Variants in SEL1L3 observed in about 807,000 individuals in gnomAD.
SEL1L3 encodes SEL1L family member 3.
SEL1L3 carries 76 observed loss-of-function variants against 142.8 expected under a neutral mutation model. The ratio of observed to expected loss-of-function variants is 0.53; its 90% confidence interval spans 0.44 to 0.64. SEL1L3 has a LOEUF of 0.64. Ranked by LOEUF, SEL1L3 falls within the 30% of genes least tolerant of loss-of-function variation. SEL1L3 has a pLI of 0.00. For missense variants in SEL1L3, 1,262 were observed against 1,381.7 expected, an observed-to-expected ratio of 0.91 and a Z score of 1.37; for synonymous variants, 504 against 519.6, an observed-to-expected ratio of 0.97 and a Z score of 0.41.
At chr4:25,762,015 C>T (rs1718408429) in intron 20 of SEL1L3, among the ~76,000 whole-genome samples, 1 of 152,166 alleles carries the variant, frequency 6.6e-6, no homozygotes, top group Non-Finnish European at 1.5e-5. Flanking sequence ...GTGCAATGAT[C>T]TCAGCTCACT....
At chr4:25,850,976 G>A (rs1364434648) in intron 1 of SEL1L3, among the ~76,000 whole-genome samples, 1 of 151,700 alleles carries the variant, frequency 6.6e-6, no homozygotes, top group Non-Finnish European at 1.5e-5. Flanking sequence ...TCAGCCTCCC[G>A]AGTAGCTGGG....
intron 1 of SEL1L3, chr4:25,861,751 T>C (rs1560368425): frequency 1.3e-5 from 2 of 152,108 alleles, no homozygotes; most frequent in East Asian, 3.9e-4. Flanking sequence ...TTCTGCAGGA[T>C]TGTGGAACAT....
intron 2 of SEL1L3, among the ~76,000 whole-genome samples, chr4:25,846,981 C>A (rs375960741): frequency 1.3e-5 from 2 of 151,368 alleles, no homozygotes; most frequent in East Asian, 3.9e-4. Context: ...GAAGATTTTC[C>A]CAATCCTTGT....
rs548557062 is a variant in SEL1L3, at chr4:25,847,616, A to C, written c.411T>G (p.His137Gln). The change falls in exon 2 of 24, where the codon CAT (histidine) becomes CAG (glutamine). Residue 137 changes from histidine to glutamine, a missense_variant. This residue lies in a region of SEL1L3 where 689 missense variants were observed against 692.8 expected (regional missense o/e 0.99). Transcript: ENST00000399878. ...VYKKRWKNEK[H>Q]LHTSRTQIVH... is the part of the protein sequence containing the mutation. ...CTATTTGTGTCCTGCTGGTGTGAAG[A>C]TGTTTCTCATTCTTCCACCTTTTTT... 5 of 1,614,020 alleles carry C rather than the reference A, an allele frequency of 3.1e-6. No individual in the cohort carries two copies. In the East Asian group the frequency reaches 1.1e-4, roughly 36 times the overall value.
intron 2 of SEL1L3, among the ~76,000 whole-genome samples, chr4:25,839,729 C>G (rs558629816): frequency 1.3e-5 from 2 of 152,338 alleles, no homozygotes; most frequent in East Asian, 3.9e-4. Flanking sequence ...GGTGTGGAAA[C>G]TTACTCGTTC....
chr4:25,784,278 T>G lies in SEL1L3; in HGVS notation c.2230A>C (p.Lys744Gln). The stretch of plus-strand genomic sequence containing the variant: ...TCTAAGGCAAGCCGTCTGTTCTTTT[T>G]TACTCCTTGACCCTAAACATTGATA... ...AIVLFKGQGVKKNRRLALELM... is the reference protein window; with the variant it reads ...AIVLFKGQGVQKNRRLALELM... The change falls in exon 14 of 24, where the codon AAA (lysine) becomes CAA (glutamine). Residue 744 changes from lysine (K) to glutamine (Q), a missense_variant. This residue lies in a region of SEL1L3 where 435 missense variants were observed against 559.2 expected (regional missense o/e 0.78). Coordinates refer to ENST00000399878, the MANE Select transcript of SEL1L3 (RefSeq NM_015187.5). 1 of 1,613,662 alleles carries G rather than the reference T, an allele frequency of 6.2e-7. No individual in the cohort carries two copies. Among genetic ancestry groups the G allele is most frequent in the Non-Finnish European group, 8.5e-7 (1 of 1,179,618 alleles).
chr4:25,804,881 A>G, intron 9 of SEL1L3, 129 bp from the exon 10 acceptor site: 1 of 679,294 alleles, frequency 1.5e-6, no homozygotes, highest in Non-Finnish European at 2.6e-6. Flanking sequence ...GCCTCAAAAT[A>G]TACCACCTTC....
chr4:25,782,505 TAA>T, intron 14 of SEL1L3, 87 bp from the exon 15 acceptor site: 1 of 1,187,772 alleles, frequency 8.4e-7, no homozygotes, highest in Non-Finnish European at 1.2e-6. Flanking sequence ...GCATTCTGCC[TAA>T]GTCTGAACAA....
intron 23 of SEL1L3, chr4:25,756,032 G>A: frequency 1.0e-6 from 1 of 985,428 alleles, no homozygotes; most frequent in Non-Finnish European, 1.2e-6. Flanking sequence ...AGGTAAATCA[G>A]AGAGAAATGA....
chr4:25,738,379 C>A, the SEL1L3 span, among the ~76,000 whole-genome samples: 7 of 152,128 alleles, frequency 4.6e-5, no homozygotes, highest in African/African-American at 7.2e-5. Context: ...GTCTGCTTTA[C>A]TGAACGCTGC....
At chr4:25,727,778 C>G in the SEL1L3 span, among the ~76,000 whole-genome samples, 2 of 152,270 alleles carry the variant, frequency 1.3e-5, no homozygotes, top group East Asian at 3.9e-4. Context: ...GACAGGACAC[C>G]TGGGGTGCAT....
intron 15 of SEL1L3, 105 bp downstream of exon 15, chr4:25,782,137 G>A (rs1031182996): frequency 4.5e-5 from 44 of 981,654 alleles, no homozygotes; most frequent in Non-Finnish European, 5.6e-5. Context: ...CTCGAGGACA[G>A]GGACTGTGTC....
chr4:25,809,841 G>A (rs1023585827), intron 9 of SEL1L3, among the ~76,000 whole-genome samples: 5 of 152,152 alleles, frequency 3.3e-5, no homozygotes, highest in Admixed American at 1.3e-4. Context: ...ACAGTATCCC[G>A]ATGTTATTAT....
At chr4:25,859,274 C>T (rs532858198) in intron 1 of SEL1L3, among the ~76,000 whole-genome samples, 1 of 152,358 alleles carries the variant, frequency 6.6e-6, no homozygotes, top group South Asian at 2.1e-4. Flanking sequence ...CTCTCCCTCT[C>T]TGAGGAGGCT....
intron 1 of SEL1L3, among the ~76,000 whole-genome samples, chr4:25,854,497 C>A (rs1011887819): frequency 6.6e-6 from 1 of 152,110 alleles, no homozygotes; most frequent in African/African-American, 2.4e-5. Flanking sequence ...AGGCTGCTCT[C>A]GAACTTCTGA....
At chr4:25,778,239 A>G (rs1168055885) in intron 16 of SEL1L3, among the ~76,000 whole-genome samples, 1 of 152,214 alleles carries the variant, frequency 6.6e-6, no homozygotes, top group East Asian at 1.9e-4. Flanking sequence ...ATGGAGGGAA[A>G]GTAAATACCC....
At chr4:25,767,957 G>GT (rs915931606) in intron 17 of SEL1L3, 127 bp from the exon 18 acceptor site, 136 of 628,058 alleles carry the variant, frequency 2.2e-4, no homozygotes, top group African/African-American at 1.9e-3. Flanking sequence ...AAAATCGTGA[G>GT]TTTTTTTAAA....
At chr4:25,714,931 A>T in the SEL1L3 span, among the ~76,000 whole-genome samples, 2 of 152,172 alleles carry the variant, frequency 1.3e-5, no homozygotes, top group Non-Finnish European at 2.9e-5. Context: ...ATGACATCAG[A>T]TCAGGAAAAA....
chr4:25,760,948 C>CA lies in SEL1L3; in HGVS notation c.2956-1881dup, dbSNP rs1293831049. On this transcript the variant is annotated intron_variant, in intron 20 of 23. Coordinates refer to ENST00000399878, the MANE Select transcript of SEL1L3 (RefSeq NM_015187.5). ...GTTAAACAACTTGCCCAAGGTTACA[C>CA]AGCTGGAAAGTGGCAGAGCTGGAGC... is the stretch of plus-strand genomic sequence containing the variant. Among the ~76,000 whole-genome samples the CA allele has an allele frequency of 2.0e-5, 3 of 152,178 alleles. No individual in the cohort carries two copies. In the East Asian group the frequency reaches 5.8e-4, roughly 29 times the overall value.
Sources: allele counts gnomAD v4.1 joint callset (sites outside exome capture counted in the v4.1 genomes callset), GRCh38; gene constraint gnomAD v4.1.1; regional missense constraint gnomAD v4.1.1; transcripts MANE v1.5; gene names NCBI Gene and HGNC (gene_info 2026-07-23, HGNC 2026-07-21).